The following AFF2 variants were observed in gnomAD, a reference collection of about 807,000 sequenced individuals.
AFF2 encodes the protein ALF transcription elongation factor 2.
A neutral mutation model predicts 76.9 loss-of-function variants in AFF2; 14 were observed. The ratio of observed to expected loss-of-function variants is 0.18; its 90% CI spans 0.12 to 0.28. The LOEUF (loss-of-function observed/expected upper bound fraction) is 0.28, where lower values mean the gene tolerates loss of function less well. Ranked by LOEUF, AFF2 falls within the 10% of genes least tolerant of loss-of-function variation. AFF2 has a pLI of 1.00. For missense variants in AFF2, 868 were observed against 1,001.1 expected (o/e 0.87, Z 1.79); for synonymous variants, 398 against 366.7 (o/e 1.09, Z -0.98).
At chrX:148,660,389 T>C (rs1396393630) in intron 2 of AFF2, among the ~76,000 whole-genome samples, 1 of 111,554 alleles carries the variant, frequency 9.0e-6, no homozygotes, top group East Asian at 2.8e-4. Context: ...TTCTATGTTT[T>C]CTTTCCCCAG....
At chrX:148,543,917 A>C (rs888752674) in intron 1 of AFF2, among the ~76,000 whole-genome samples, 3 of 112,236 alleles carry the variant, frequency 2.7e-5, no homozygotes, top group African/African-American at 9.7e-5. Context: ...CATATCACTT[A>C]TTTATTTTTG....
At chrX:148,813,406 C>A (rs1196249500) in intron 4 of AFF2, among the ~76,000 whole-genome samples, 2 of 112,001 alleles carry the variant, frequency 1.8e-5, no homozygotes, top group Non-Finnish European at 3.8e-5. Flanking sequence ...GAAATTAATT[C>A]TTCTTTTTTG....
At chrX:148,721,645 A>G (rs2055094040) in intron 3 of AFF2, among the ~76,000 whole-genome samples, 1 of 111,841 alleles carries the variant, frequency 8.9e-6, no homozygotes, top group Admixed American at 9.4e-5. Context: ...GACTATTTCA[A>G]TTAGTAAGTG....
At chrX:148,619,923 A>G (rs1242213393) in intron 1 of AFF2, among the ~76,000 whole-genome samples, 2 of 112,178 alleles carry the variant, frequency 1.8e-5, no homozygotes, top group Non-Finnish European at 3.8e-5. Context: ...AATTGAGATT[A>G]TTGTCCTGAC....
intron 15 of AFF2, among the ~76,000 whole-genome samples, 188 bp from the exon 16 acceptor site, chrX:148,973,283 A>G (rs1038543230): frequency 4.5e-5 from 5 of 111,893 alleles, no homozygotes; most frequent in African/African-American, 6.5e-5. Flanking sequence ...GCAGAAGTTT[A>G]TAAGCATTTC....
In AFF2 at chrX:148,652,020, T is replaced by C; in HGVS notation, c.69T>C (p.Ser23=). The change falls in exon 2 of 21, where the codon AGT becomes AGC. Residue 23 remains serine, a synonymous_variant. Transcript: ENST00000370460. ...TCAGTCACTATGAACAAGACCGTAG[T>C]GCACTTAAAAAAAGGGAATGGGAGC... ...EQQCHYEQDR[S]ALKKREWERR... 1.7e-6 allele frequency: 2 copies of C among 1,204,867 alleles called. No individual in the cohort carries two copies. The highest frequency in any genetic ancestry group is 2.2e-6 in the Non-Finnish European group (2 of 890,609).
intron 3 of AFF2, among the ~76,000 whole-genome samples, chrX:148,683,689 G>T (rs1364768010): frequency 9.0e-6 from 1 of 111,462 alleles, no homozygotes; most frequent in Non-Finnish European, 1.9e-5. Context: ...GTTTTTGTTT[G>T]TAGGCTTTCC....
intron 2 of AFF2, among the ~76,000 whole-genome samples, chrX:148,656,627 G>A (rs1481016436): frequency 3.9e-5 from 4 of 101,684 alleles, no homozygotes; most frequent in African/African-American, 1.5e-4. Context: ...AGCCTCCCAA[G>A]TAGCTGGGAC....
At chrX:148,679,623 G>A (rs1162517421) in intron 3 of AFF2, among the ~76,000 whole-genome samples, 1 of 111,598 alleles carries the variant, frequency 9.0e-6, no homozygotes, top group African/African-American at 3.3e-5. Flanking sequence ...CATTTATGTA[G>A]TATTTGAAAG....
chrX:148,745,899 C>T (rs942847127), intron 3 of AFF2, among the ~76,000 whole-genome samples: 7 of 110,676 alleles, frequency 6.3e-5, no homozygotes, highest in East Asian at 2.9e-4. Flanking sequence ...CCTGCCACCA[C>T]GCCCGGCTAA....
At chrX:148,619,926 G>A (rs781963239) in intron 1 of AFF2, among the ~76,000 whole-genome samples, 1 of 112,030 alleles carries the variant, frequency 8.9e-6, no homozygotes, top group African/African-American at 3.2e-5. Context: ...TGAGATTATT[G>A]TCCTGACAAA....
chrX:148,605,918 T>C (rs1448130906), intron 1 of AFF2, among the ~76,000 whole-genome samples: 3 of 112,052 alleles, frequency 2.7e-5, no homozygotes, highest in Non-Finnish European at 5.7e-5. Flanking sequence ...AATCTATGGA[T>C]GAATATTTGA....
At chrX:148,673,397 G>A (rs1198216002) in intron 3 of AFF2, among the ~76,000 whole-genome samples, 2 of 111,404 alleles carry the variant, frequency 1.8e-5, no homozygotes, top group Non-Finnish European at 3.8e-5. Flanking sequence ...GCTTCTGGTG[G>A]CCCCAGGCAT....
At chrX:148,960,541 A>G (rs1397430998) in intron 12 of AFF2, among the ~76,000 whole-genome samples, 5 of 112,669 alleles carry the variant, frequency 4.4e-5, no homozygotes, top group African/African-American at 6.5e-5. Context: ...TTTTCTCTGG[A>G]AAACTTTCTG....
intron 7 of AFF2, among the ~76,000 whole-genome samples, chrX:148,869,972 A>G (rs1557277197): frequency 1.8e-5 from 2 of 111,595 alleles, no homozygotes; most frequent in Admixed American, 9.5e-5. Flanking sequence ...TCCAAATAAG[A>G]CCACATTCTG....
intron 9 of AFF2, among the ~76,000 whole-genome samples, chrX:148,941,575 C>T (rs1347017953): frequency 8.9e-6 from 1 of 111,884 alleles, no homozygotes; most frequent in Non-Finnish European, 1.9e-5. Context: ...CATGTTCATG[C>T]ATGTTTGTAC....
intron 1 of AFF2, among the ~76,000 whole-genome samples, chrX:148,588,173 G>A (rs2053487157): frequency 8.9e-6 from 1 of 112,795 alleles, no homozygotes; most frequent in Non-Finnish European, 1.9e-5. Flanking sequence ...GCTTTTCAAG[G>A]GAATGAAATG....
Position 148,504,332 on chromosome X carries a change from G to A in AFF2, c.47+3188G>A, listed in dbSNP as rs782695334. On this transcript the variant is annotated intron_variant, in intron 1 of 20. Transcript: ENST00000370460. ...AGAAAAGAAAGAAAATACAGAAAGG[G>A]ACACATTCTTAAAAAAAAGAAAAGA... is the stretch of plus-strand genomic sequence containing the variant. Among the ~76,000 whole-genome samples the A allele has an allele frequency of 1.2e-3, 127 of 110,374 alleles. No homozygotes were observed. In the Middle Eastern group the frequency reaches 0.014, roughly 12 times the overall value.
chrX:148,533,887 T>C (rs1393394933), intron 1 of AFF2, among the ~76,000 whole-genome samples: 4 of 112,212 alleles, frequency 3.6e-5, no homozygotes, highest in Non-Finnish European at 7.5e-5. Flanking sequence ...TTAAATTCAA[T>C]ATTTATTACT....
Sources: gnomAD v4.1 joint callset for allele counts (sites outside exome capture counted in the v4.1 genomes callset) on GRCh38, gnomAD v4.1.1 for gene constraint, MANE v1.5 for transcripts, NCBI Gene and HGNC (gene_info 2026-07-23, HGNC 2026-07-21) for gene names.